Variants in HNF4G observed in about 807,000 individuals in gnomAD.
The protein encoded by HNF4G is hepatocyte nuclear factor 4-gamma.
Under a neutral mutation model 50.9 loss-of-function variants are expected in HNF4G, and 21 were observed. That is an observed-to-expected ratio of 0.41 (90% CI 0.29 to 0.59). HNF4G has a LOEUF of 0.59. Ranked by LOEUF, HNF4G falls within the 20% of genes least tolerant of loss-of-function variation. HNF4G has a pLI of 0.26. For synonymous variants in HNF4G, 198 were observed against 185.6 expected (o/e 1.07, Z -0.54); for missense variants, 527 against 559.4 (o/e 0.94, Z 0.58).
intron 2 of HNF4G, 35 bp downstream of exon 2, chr8:75,544,014 A>T (rs1417978783): frequency 6.5e-7 from 1 of 1,527,086 alleles, no homozygotes; most frequent in East Asian, 2.3e-5. Context: ...AGTTATCTTT[A>T]CAGATGTTTC....
intron 2 of HNF4G, among the ~76,000 whole-genome samples, chr8:75,522,688 G>C (rs868208191): frequency 1.3e-5 from 2 of 152,132 alleles, no homozygotes; most frequent in African/African-American, 2.4e-5. Flanking sequence ...AATGTCTCTA[G>C]ATACTGTCAA....
intron 1 of HNF4G, among the ~76,000 whole-genome samples, chr8:75,445,243 C>T (rs1811397132): frequency 3.3e-5 from 3 of 90,110 alleles, no homozygotes; most frequent in South Asian, 1.0e-3. Context: ...AGAACAAAGA[C>T]ACAACATACC....
In HNF4G at chr8:75,526,247, A is replaced by G. The variant is rs570468801; in HGVS notation, c.-23-17564A>G. On this transcript the variant is annotated intron_variant, in intron 2 of 10. Coordinates refer to the HNF4G transcript ENST00000354370. ...AGGCTCAATCGATCTTCTCACCTCA[A>G]CCTCCCGAGTAGCTGTGACCACAGG... Among the ~76,000 whole-genome samples the G allele has an allele frequency of 1.2e-4, 18 of 151,496 alleles. No individual in the cohort carries two copies. The East Asian group carries it at 1.8e-3, about 15-fold the overall frequency.
At chr8:75,427,677 T>C (rs1810920004) in intron 1 of HNF4G, among the ~76,000 whole-genome samples, 4 of 152,020 alleles carry the variant, frequency 2.6e-5, no homozygotes, top group Admixed American at 2.0e-4. Flanking sequence ...GTTGAATGAA[T>C]GAATATATAT....
intron 2 of HNF4G, among the ~76,000 whole-genome samples, chr8:75,521,801 C>T (rs1806050148): frequency 6.6e-6 from 1 of 152,064 alleles, no homozygotes; most frequent in African/African-American, 2.4e-5. Flanking sequence ...AGGCTTTTAA[C>T]ATTAAGTCCA....
intron 2 of HNF4G, 134 bp downstream of exon 2, chr8:75,544,113 G>T: frequency 1.4e-6 from 1 of 694,986 alleles, no homozygotes; most frequent in Non-Finnish European, 2.4e-6. Flanking sequence ...TGCGGTACAA[G>T]TAAGAACGTG....
chr8:75,417,109 G>A (rs914534095), intron 1 of HNF4G, among the ~76,000 whole-genome samples: 6 of 95,292 alleles, frequency 6.3e-5, no homozygotes, highest in Admixed American at 4.9e-4. Context: ...GTGCATGGTC[G>A]CACGCGTGTG....
Position 75,501,073 on chromosome 8 carries a change from A to G in HNF4G, c.-24+10865A>G, listed in dbSNP as rs936443937. Among the ~76,000 whole-genome samples the G allele has an allele frequency of 2.0e-5, 3 of 152,002 alleles. No individual in the cohort carries two copies. The South Asian group carries it at 6.2e-4, about 31-fold the overall frequency. ...TTAGAATTTATCCTGGGAAATTGTA[A>G]TAAAAAAGACTAACAAGGGAAGAAT... On this transcript the variant is annotated intron_variant, in intron 2 of 10. Coordinates refer to the HNF4G transcript ENST00000354370.
chr8:75,456,716 T>C (rs1460502070), intron 1 of HNF4G, among the ~76,000 whole-genome samples: 1 of 151,518 alleles, frequency 6.6e-6, no homozygotes, highest in Non-Finnish European at 1.5e-5. Context: ...ATATTTTATT[T>C]ATTTAATTTA....
intron 2 of HNF4G, among the ~76,000 whole-genome samples, chr8:75,514,207 T>C (rs1336139941): frequency 3.9e-5 from 6 of 151,990 alleles, no homozygotes; most frequent in Non-Finnish European, 8.8e-5. Context: ...TTCTTTTACA[T>C]GTATAATGAT....
intron 2 of HNF4G, among the ~76,000 whole-genome samples, chr8:75,499,678 A>G (rs1208875249): frequency 6.6e-6 from 1 of 152,052 alleles, no homozygotes. Flanking sequence ...GTACTAACAT[A>G]AGAATAGATA....
chr8:75,431,365 A>T (rs1811010844), intron 1 of HNF4G, among the ~76,000 whole-genome samples: 2 of 152,224 alleles, frequency 1.3e-5, no homozygotes, highest in East Asian at 1.9e-4. Flanking sequence ...ATAACAAAAC[A>T]AATCTTAAGT....
intron 2 of HNF4G, among the ~76,000 whole-genome samples, chr8:75,497,093 TAGATG>T (rs1437817100): frequency 6.6e-6 from 1 of 152,112 alleles, no homozygotes. Context: ...AAATGCTGTG[TAGATG>T]AGAAGGGCTT....
chr8:75,456,427 T>C (rs1811724879), intron 1 of HNF4G, among the ~76,000 whole-genome samples: 1 of 152,194 alleles, frequency 6.6e-6, no homozygotes, highest in African/African-American at 2.4e-5. Flanking sequence ...ATCCCTTTTT[T>C]ATCTTCCTGA....
At chr8:75,463,041 A>G (rs1234156809) in intron 1 of HNF4G, among the ~76,000 whole-genome samples, 1 of 148,946 alleles carries the variant, frequency 6.7e-6, no homozygotes, top group Non-Finnish European at 1.5e-5. Flanking sequence ...TCCTCCTCTG[A>G]TATTCAATGT....
intron 1 of HNF4G, among the ~76,000 whole-genome samples, chr8:75,473,309 A>G (rs1812163940): frequency 2.6e-5 from 4 of 152,204 alleles, no homozygotes; most frequent in African/African-American, 9.6e-5. Context: ...AAAAAAAAAA[A>G]GTGTCATTAT....
chr8:75,560,612 T>C (rs972477926), intron 9 of HNF4G, 146 bp downstream of exon 9: 6 of 648,514 alleles, frequency 9.3e-6, no homozygotes, highest in African/African-American at 7.4e-5. Context: ...AAGACTGTTA[T>C]TCAGCTTGTC....
intron 5 of HNF4G, among the ~76,000 whole-genome samples, 194 bp downstream of exon 5, chr8:75,553,391 T>C (rs1256806625): frequency 6.6e-6 from 1 of 152,138 alleles, no homozygotes; most frequent in African/African-American, 2.4e-5. Context: ...ACTTCTATTT[T>C]AGGGGTGTAG....
At chr8:75,502,797 A>G (rs1812966668) in intron 2 of HNF4G, among the ~76,000 whole-genome samples, 1 of 152,200 alleles carries the variant, frequency 6.6e-6, no homozygotes, top group Non-Finnish European at 1.5e-5. Context: ...TTAGAAAGAC[A>G]CCCATTGTTA....
Sources: gnomAD v4.1 joint callset for allele counts (sites outside exome capture counted in the v4.1 genomes callset) on GRCh38, gnomAD v4.1.1 for gene constraint, MANE v1.5 for transcripts, NCBI Gene and HGNC (gene_info 2026-07-23, HGNC 2026-07-21) for gene names.